ZNF516: variants seen among roughly 807,000 people sequenced by gnomAD.
The protein encoded by ZNF516 is zinc finger protein 516.
In ZNF516, 19 loss-of-function variants were observed where a neutral mutation model predicts 79.7. The ratio of observed to expected loss-of-function variants is 0.24; its 90% CI spans 0.17 to 0.35. The LOEUF (loss-of-function observed/expected upper bound fraction) is 0.35, where lower values mean the gene tolerates loss of function less well. Among genes scored for constraint, ZNF516 ranks in the 10% least tolerant of loss-of-function variants. ZNF516 has a pLI of 1.00. For synonymous variants in ZNF516, 877 were observed against 739.5 expected (o/e 1.19, Z -3.02); for missense variants, 1,678 against 1,679.5 (o/e 1.00, Z 0.02).
intron 1 of ZNF516, among the ~76,000 whole-genome samples, chr18:76,482,107 A>G (rs1054549635): frequency 6.6e-6 from 1 of 152,168 alleles, no homozygotes; most frequent in African/African-American, 2.4e-5. Context: ...TAATGCTAAA[A>G]GAAGCTTTTC....
intron 1 of ZNF516, among the ~76,000 whole-genome samples, chr18:76,473,302 T>TA (rs1202060048): frequency 3.8e-5 from 4 of 104,640 alleles, no homozygotes; most frequent in Admixed American, 3.6e-4. Context: ...CTCACTTATT[T>TA]AAAAAAAGAC....
At chr18:76,479,850 C>T (rs890679781) in intron 1 of ZNF516, among the ~76,000 whole-genome samples, 1 of 152,238 alleles carries the variant, frequency 6.6e-6, no homozygotes, top group East Asian at 1.9e-4. Flanking sequence ...CACTTCACCA[C>T]TGTGGCACTT....
chr18:76,481,738 A>G (rs1230605757), intron 1 of ZNF516, among the ~76,000 whole-genome samples: 1 of 152,226 alleles, frequency 6.6e-6, no homozygotes, highest in Admixed American at 6.5e-5. Flanking sequence ...TTGAAAGAAA[A>G]TGAGTACTGG....
At chr18:76,440,045 G>A (rs1289768898) in intron 3 of ZNF516, among the ~76,000 whole-genome samples, 2 of 152,152 alleles carry the variant, frequency 1.3e-5, no homozygotes, top group Non-Finnish European at 2.9e-5. Context: ...TGACTAAAAC[G>A]CGAAGTTAAA....
At chr18:76,457,094 C>T (rs972144215) in intron 2 of ZNF516, among the ~76,000 whole-genome samples, 3 of 152,190 alleles carry the variant, frequency 2.0e-5, no homozygotes, top group Admixed American at 2.0e-4. Context: ...TAAGACAACA[C>T]GCAGTGAACA....
At chr18:76,381,064 C>T (rs2074885483) in intron 3 of ZNF516, among the ~76,000 whole-genome samples, 2 of 152,182 alleles carry the variant, frequency 1.3e-5, no homozygotes, top group East Asian at 1.9e-4. Flanking sequence ...TGACGGAGAG[C>T]GTGTCTGAGC....
chr18:76,456,985 A>G (rs1912769740), intron 2 of ZNF516, among the ~76,000 whole-genome samples: 1 of 152,256 alleles, frequency 6.6e-6, no homozygotes, highest in African/African-American at 2.4e-5. Context: ...TTTTATCTGC[A>G]ACAGTGGAAG....
chr18:76,465,588 G>C (rs1429146260), intron 1 of ZNF516, among the ~76,000 whole-genome samples: 3 of 152,206 alleles, frequency 2.0e-5, no homozygotes, highest in Non-Finnish European at 4.4e-5. Flanking sequence ...GCTGGAAAGA[G>C]GCGAAAATAC....
chr18:76,475,297 C>T (rs1311176087), intron 1 of ZNF516, among the ~76,000 whole-genome samples: 3 of 152,126 alleles, frequency 2.0e-5, no homozygotes, highest in African/African-American at 7.2e-5. Context: ...TAATCACTTA[C>T]GATTTTTAAA....
rs374464151 is a variant in ZNF516, at chr18:76,480,529, A to ATATATATAT, written c.-272+14614_-272+14615insATATATATA. Among the ~76,000 whole-genome samples, 679 of 142,070 alleles carry ATATATATAT rather than the reference A, an allele frequency of 4.8e-3. 7 individuals are homozygous for ATATATATAT. Among genetic ancestry groups the ATATATATAT allele is most frequent in the African/African-American group, 0.014 (521 of 38,136 alleles). The allele number at this position is 142,070 out of a possible 152,430, so 93.2% of individuals were successfully genotyped here. ...CACACACACACACACACACACATATATTTTTTTTTTTGAGACGGAGTCTTG... is the reference window on the plus strand; with the variant it reads ...CACACACACACACACACACACATATATATATATATTTTTTTTTTTTGAGACGGAGTCTTG... On this transcript the variant is annotated intron_variant, in intron 1 of 6. Coordinates refer to ENST00000443185, the MANE Select transcript of ZNF516 (RefSeq NM_014643.4).
intron 1 of ZNF516, among the ~76,000 whole-genome samples, chr18:76,464,983 A>G (rs1913371084): frequency 6.6e-6 from 1 of 152,122 alleles, no homozygotes; most frequent in South Asian, 2.1e-4. Flanking sequence ...GCATCCGATG[A>G]GGGCAGCTGC....
rs1912552077 is a variant in ZNF516, at chr18:76,453,653, CTA to C, written c.-158+9373_-158+9374del. Among the ~76,000 whole-genome samples the C allele has an allele frequency of 2.0e-5, 3 of 152,270 alleles. No individual in the cohort carries two copies. In the East Asian group the frequency reaches 5.8e-4, roughly 29 times the overall value. Reference sequence around the variant, plus strand: ...AAGTGGCTTAAAGATTTTACGGAGCCTAAACTCAAAACTGTGGAAACTGTTAA... The same window carrying C: ...AAGTGGCTTAAAGATTTTACGGAGCCAACTCAAAACTGTGGAAACTGTTAA... On this transcript the variant is annotated intron_variant, in intron 2 of 6. Transcript: ENST00000443185.
chr18:76,390,852 C>T (rs145056072), intron 3 of ZNF516, among the ~76,000 whole-genome samples: 35 of 152,236 alleles, frequency 2.3e-4, no homozygotes, highest in East Asian at 1.5e-3. Context: ...ACCTGCCCCT[C>T]GGAAAAGGTC....
chr18:76,480,524 C>CACATATAT (rs1267997459), intron 1 of ZNF516, among the ~76,000 whole-genome samples: 10 of 116,398 alleles, frequency 8.6e-5, no homozygotes, highest in African/African-American at 2.8e-4. Flanking sequence ...CACACACACA[C>CACATATAT]ATATATTTTT....
chr18:76,412,853 C>G (rs1037431458), intron 3 of ZNF516, among the ~76,000 whole-genome samples: 4 of 152,224 alleles, frequency 2.6e-5, no homozygotes, highest in Admixed American at 1.3e-4. Context: ...GTCTTTCTTC[C>G]CTCAATGTCC....
At chr18:76,416,467 T>C (rs1283032612) in intron 3 of ZNF516, among the ~76,000 whole-genome samples, 2 of 152,264 alleles carry the variant, frequency 1.3e-5, no homozygotes, top group Non-Finnish European at 2.9e-5. Flanking sequence ...TTATCCAAAC[T>C]TACTGTTTGG....
chr18:76,395,271 A>C (rs1255981855), intron 3 of ZNF516, among the ~76,000 whole-genome samples: 1 of 152,172 alleles, frequency 6.6e-6, no homozygotes, highest in Non-Finnish European at 1.5e-5. Flanking sequence ...ACAAGGCTGC[A>C]CCCCGTCCTA....
At chr18:76,434,886 G>A (rs946670760) in intron 3 of ZNF516, among the ~76,000 whole-genome samples, 4 of 152,196 alleles carry the variant, frequency 2.6e-5, no homozygotes, top group African/African-American at 9.7e-5. Flanking sequence ...AATTCCCAGG[G>A]GCTGAAGAAC....
chr18:76,487,217 T>G (rs760364898), intron 1 of ZNF516, among the ~76,000 whole-genome samples: 8 of 152,202 alleles, frequency 5.3e-5, no homozygotes, highest in Non-Finnish European at 1.0e-4. Flanking sequence ...CATCTCAGGC[T>G]AGACATAAAT....
Sources: allele counts gnomAD v4.1 joint callset (sites outside exome capture counted in the v4.1 genomes callset), GRCh38; gene constraint gnomAD v4.1.1; transcripts MANE v1.5; gene names NCBI Gene and HGNC (gene_info 2026-07-23, HGNC 2026-07-21).